Variants in BAZ2A observed in about 807,000 individuals in gnomAD.
BAZ2A encodes bromodomain adjacent to zinc finger domain 2A, also known as bromodomain adjacent to zinc finger domain protein 2A.
A neutral mutation model predicts 199.9 loss-of-function variants in BAZ2A; 34 were observed. The ratio of observed to expected loss-of-function variants is 0.17; its 90% CI spans 0.13 to 0.23. The LOEUF is 0.23. Ranked by LOEUF, BAZ2A falls within the 10% of genes least tolerant of loss-of-function variation. The pLI, the probability that BAZ2A is intolerant of heterozygous loss-of-function variation, is 1.00. For missense variants in BAZ2A, 2,002 were observed against 2,391.1 expected, an observed-to-expected ratio of 0.84 and a Z score of 3.39; for synonymous variants, 857 against 883.9, an observed-to-expected ratio of 0.97 and a Z score of 0.54.
In BAZ2A at chr12:56,615,107, G is replaced by C; in HGVS notation, c.637C>G (p.Pro213Ala). ...PSQEVGSGIH[P>A]DEAAEKEMTS... is the part of the protein sequence containing the mutation. ...ATCTCCTTTTCTGCTGCCTCATCAG[G>C]ATGGATACCACTGCCTACCTCCTGG... is the stretch of plus-strand genomic sequence containing the variant. Residue 213 changes from proline to alanine, a missense_variant, in exon 3 of 29, where the codon CCT becomes GCT. Transcript: ENST00000549884. The C allele has an allele frequency of 6.2e-7, 1 of 1,613,886 alleles. No homozygotes were observed. The highest frequency in any genetic ancestry group is 8.5e-7 in the Non-Finnish European group (1 of 1,179,884).
At position 56,601,954 on chromosome 12, in the gene BAZ2A, A is replaced by C; in HGVS notation, c.3663T>G (p.Pro1221=). ...DSEQPQAQLQ[P]EAQLHAPAQP... The stretch of plus-strand genomic sequence containing the variant: ...GGGCAGGAGCATGAAGCTGAGCCTC[A>C]GGCTGAAGCTGGGCCTGGGGCTGTT... Residue 1221 remains proline, a synonymous_variant, in exon 20 of 29, where the codon CCT becomes CCG. Transcript: ENST00000549884. 1 of 1,567,592 alleles carries C rather than the reference A, an allele frequency of 6.4e-7. No individual in the cohort carries two copies. Among genetic ancestry groups the C allele is most frequent in the Non-Finnish European group, 8.7e-7 (1 of 1,155,898 alleles).
chr12:56,600,764 T>G lies in BAZ2A; in HGVS notation c.4519A>C (p.Lys1507Gln). Residue 1507 changes from lysine (K) to glutamine (Q), a missense_variant, in exon 23 of 29, where the codon AAG (lysine) becomes CAG (glutamine). This residue lies in a region of BAZ2A where 1,081 missense variants were observed against 1,274.7 expected (regional missense o/e 0.85). Transcript: ENST00000549884. ...EGIMSWSPKE[K>Q]TYETDLAVLQ... ...ACTGCTAGGTCTGTCTCGTATGTCT[T>G]CTCTTTGGGGGACCAGCTCATAATC... 6.2e-7 allele frequency: 1 copy of G among 1,613,862 alleles called. No individual in the cohort carries two copies.
chr12:56,624,144 T>A lies in BAZ2A; in HGVS notation c.-3+5981A>T, dbSNP rs1565834812. On this transcript the variant is annotated intron_variant, in intron 1 of 28. Coordinates refer to ENST00000549884, the MANE Select transcript of BAZ2A (RefSeq NM_001300905.2). ...AGAATAAATATGCCCTCTTCTCCAA[T>A]CACGATAACCCATTCTGAGTGCCCT... Among the ~76,000 whole-genome samples the A allele has an allele frequency of 3.3e-5, 5 of 151,762 alleles. No individual in the cohort carries two copies. The South Asian group carries it at 1.0e-3, about 31-fold the overall frequency.
At chr12:56,636,192 C>T in exon 1 of BAZ2A, 3 of 1,594,608 alleles carry the variant, frequency 1.9e-6, no homozygotes, top group Admixed American at 1.7e-5. Context: ...CCATGTCAGG[C>T]TGGCACAGCT....
intron 7 of BAZ2A, chr12:56,611,352 G>C: frequency 1.7e-6 from 1 of 597,968 alleles, no homozygotes; most frequent in Non-Finnish European, 2.9e-6. Context: ...GTCACTACAA[G>C]ATGAAAAAAG....
chr12:56,605,618 C>T (rs1438000497), intron 13 of BAZ2A: 10 of 635,224 alleles, frequency 1.6e-5, no homozygotes, highest in East Asian at 8.6e-5. Context: ...GATGAGGTCT[C>T]GCCATGTTGC....
rs771640273 is a variant in BAZ2A, at chr12:56,612,268, T to C, written c.1136-22A>G. ...TTATCTAGAATCCAAAGGGACAGGA[T>C]AGGCTTTAAAAAAAAAAAAGGCATC... is the stretch of plus-strand genomic sequence containing the variant. On this transcript the variant is annotated intron_variant, in intron 5 of 28. Transcript: ENST00000549884. The C allele has an allele frequency of 4.4e-6, 7 of 1,577,856 alleles. No individual in the cohort carries two copies. In the African/African-American group the frequency reaches 5.5e-5, roughly 12 times the overall value.
intron 1 of BAZ2A, chr12:56,636,112 C>G: frequency 1.3e-6 from 2 of 1,509,878 alleles, no homozygotes; most frequent in South Asian, 1.2e-5. Context: ...TAGGCCCCAC[C>G]CCTGCTGAGT....
At chr12:56,599,505 G>T in intron 26 of BAZ2A, 147 bp from the exon 27 acceptor site, 1 of 1,219,644 alleles carries the variant, frequency 8.2e-7, no homozygotes, top group South Asian at 1.6e-5. Flanking sequence ...AATGAAGTAG[G>T]TAAAAGGGAA....
rs1354588198 is a variant in BAZ2A, at chr12:56,602,063, C to T, written c.3554G>A (p.Arg1185Gln). 8 of 1,563,196 alleles carry T rather than the reference C, an allele frequency of 5.1e-6. No homozygotes were observed. Among genetic ancestry groups the T allele is most frequent in the African/African-American group, 1.4e-5 (1 of 73,770 alleles). The change falls in exon 20 of 29, where the codon CGG (arginine) becomes CAG (glutamine). Residue 1185 changes from arginine to glutamine, a missense_variant. Arg to Gln is a conservative substitution (Grantham distance 43). Transcript: ENST00000549884. ...AGTTTTTCGAGGTCGGCCTCGGGCC[C>T]GGGCAGGAGAACTGGCAGTGGTGTT... ...GSNTTASSPA[R>Q]ARGRPRKTKP...
chr12:56,608,050 G>A (rs1055577381), intron 10 of BAZ2A, among the ~76,000 whole-genome samples: 5 of 150,488 alleles, frequency 3.3e-5, no homozygotes, highest in African/African-American at 9.8e-5. Flanking sequence ...CTCCAGCCTG[G>A]GCAACAAGAG....
chr12:56,608,312 T>C (rs1950432328), intron 10 of BAZ2A, among the ~76,000 whole-genome samples: 1 of 149,370 alleles, frequency 6.7e-6, no homozygotes, highest in Admixed American at 6.7e-5. Context: ...GCAGAGCTTG[T>C]AGTGAGCCAA....
chr12:56,599,204 G>A lies in BAZ2A; in HGVS notation c.5327C>T (p.Ser1776Leu), dbSNP rs763059446. 28 of 1,613,120 alleles carry A rather than the reference G, an allele frequency of 1.7e-5. No individual in the cohort carries two copies. The highest frequency in any genetic ancestry group is 1.2e-4 in the African/African-American group (9 of 74,892). Residue 1776 changes from serine to leucine, a missense_variant, in exon 27 of 29, where the codon TCG becomes TTG. Ser to Leu is a moderately radical substitution (Grantham distance 145). Around this residue, in one of 6 missense-constraint regions of BAZ2A, gnomAD observed 122 missense variants for 123.0 expected, o/e 0.99. Coordinates refer to ENST00000549884, the MANE Select transcript of BAZ2A (RefSeq NM_001300905.2). ...CTTGGAGGGGGAGAGCCCTTCTTCC[G>A]AGTACCGAGGCCCTGCTGCTGGGCT... ...RESPAAGPRY[S>L]EEGLSPSKRR...
chr12:56,610,503 A>G lies in BAZ2A; in HGVS notation c.1685T>C (p.Val562Ala). 1 of 1,610,186 alleles carries G rather than the reference A, an allele frequency of 6.2e-7. No homozygotes were observed. The highest frequency in any genetic ancestry group is 8.5e-7 in the Non-Finnish European group (1 of 1,178,396). Residue 562 changes from valine (V) to alanine (A), a missense_variant, in exon 8 of 29, where the codon GTG becomes GCG. Val to Ala is a moderately conservative substitution (Grantham distance 64). Coordinates refer to ENST00000549884, the MANE Select transcript of BAZ2A (RefSeq NM_001300905.2). Reference sequence around the variant, plus strand: ...TCGGTGGCTGCCCTTCTTGATGCGCACCTCTCTCCGCCACCTGCCAGAGAA... The same window carrying G: ...TCGGTGGCTGCCCTTCTTGATGCGCGCCTCTCTCCGCCACCTGCCAGAGAA... Reference protein sequence around the residue: ...LPLQHGWRREVRIKKGSHRWQ... With the variant: ...LPLQHGWRREARIKKGSHRWQ...
chr12:56,634,503 C>G (rs552399410), upstream of BAZ2A, among the ~76,000 whole-genome samples: 1 of 152,178 alleles, frequency 6.6e-6, no homozygotes, highest in Non-Finnish European at 1.5e-5. Context: ...AAGGGCTGAG[C>G]GGAGCAGGGA....
At position 56,604,812 on chromosome 12, in the gene BAZ2A, C is replaced by A; in HGVS notation, c.2749-13G>T. On this transcript the variant is annotated splice_polypyrimidine_tract_variant and intron_variant, in intron 14 of 28. Transcript: ENST00000549884. ...AGATCTTTAGGGACTGTGTGGAGGA[C>A]AGCATAATGGGGGTGAGTAGGGAAA... 6.2e-7 allele frequency: 1 copy of A among 1,610,944 alleles called. No homozygotes were observed. The highest frequency in any genetic ancestry group is 8.5e-7 in the Non-Finnish European group (1 of 1,178,610).
intron 3 of BAZ2A, chr12:56,614,343 GAA>G (rs1950650406): frequency 3.8e-6 from 2 of 523,732 alleles, no homozygotes; most frequent in South Asian, 6.0e-5. Flanking sequence ...GCAAAGAGAG[GAA>G]AAGAGAGTGG....
chr12:56,600,888 G>A, intron 22 of BAZ2A, 55 bp downstream of exon 22: 2 of 1,611,600 alleles, frequency 1.2e-6, no homozygotes, highest in Non-Finnish European at 1.7e-6. Flanking sequence ...CCTAGCAGCA[G>A]CTCAATGCTT....
intron 10 of BAZ2A, among the ~76,000 whole-genome samples, chr12:56,608,188 T>C (rs966701087): frequency 1.3e-5 from 2 of 151,482 alleles, no homozygotes; most frequent in Admixed American, 6.6e-5. Context: ...CTGGCTAACA[T>C]GGTGAAACCC....
Sources: gnomAD v4.1 joint callset for allele counts (sites outside exome capture counted in the v4.1 genomes callset) on GRCh38, gnomAD v4.1.1 for gene constraint, gnomAD v4.1.1 regional missense constraint, MANE v1.5 for transcripts, NCBI Gene and HGNC (gene_info 2026-07-23, HGNC 2026-07-21) for gene names.